Variants in PDGFD observed in about 807,000 individuals in gnomAD.
PDGFD encodes the protein platelet-derived growth factor D.
PDGFD carries 30 observed loss-of-function variants against 44.7 expected under a neutral mutation model. The observed-to-expected ratio is 0.67, with a 90% CI of 0.50 to 0.91. The LOEUF (loss-of-function observed/expected upper bound fraction) is 0.91. Ranked by LOEUF, PDGFD falls within the 40% of genes least tolerant of loss-of-function variation. The pLI is 0.00. For missense variants in PDGFD, 445 were observed against 457.8 expected, an observed-to-expected ratio of 0.97 and a Z score of 0.25; for synonymous variants, 173 against 168.4, an observed-to-expected ratio of 1.03 and a Z score of -0.21.
At chr11:104,124,191 A>G (rs1861813038) in intron 1 of PDGFD, among the ~76,000 whole-genome samples, 1 of 152,050 alleles carries the variant, frequency 6.6e-6, no homozygotes. Flanking sequence ...GAAAGGTCCT[A>G]AACAGAATTC....
chr11:103,934,054 T>C (rs185278493), intron 5 of PDGFD, among the ~76,000 whole-genome samples: 212 of 152,362 alleles, frequency 1.4e-3, no homozygotes, highest in Non-Finnish European at 3.2e-4. Flanking sequence ...TATGAATCCC[T>C]GAGCTTTAAA....
intron 1 of PDGFD, among the ~76,000 whole-genome samples, chr11:104,104,198 G>A (rs1861438993): frequency 1.3e-5 from 2 of 152,148 alleles, no homozygotes; most frequent in South Asian, 4.1e-4. Context: ...TCTGTATAAT[G>A]TGTTTGTGTT....
At chr11:103,940,983 A>T (rs1176627380) in intron 5 of PDGFD, among the ~76,000 whole-genome samples, 1 of 152,142 alleles carries the variant, frequency 6.6e-6, no homozygotes, top group Non-Finnish European at 1.5e-5. Context: ...AACTTTAGAA[A>T]TAGGCTAACA....
At chr11:103,982,545 T>C (rs765809338) in intron 3 of PDGFD, among the ~76,000 whole-genome samples, 4 of 151,672 alleles carry the variant, frequency 2.6e-5, no homozygotes, top group Non-Finnish European at 5.9e-5. Flanking sequence ...CGATTCAATA[T>C]AGTATTGAAA....
At chr11:104,035,754 GC>G (rs1227662254) in intron 1 of PDGFD, among the ~76,000 whole-genome samples, 1 of 151,844 alleles carries the variant, frequency 6.6e-6, no homozygotes, top group Non-Finnish European at 1.5e-5. Context: ...AGAAATAACA[GC>G]CCTTGCCATA....
At chr11:104,048,083 G>A (rs1170933248) in intron 1 of PDGFD, among the ~76,000 whole-genome samples, 2 of 151,976 alleles carry the variant, frequency 1.3e-5, no homozygotes, top group African/African-American at 4.8e-5. Flanking sequence ...TCTCATCAAT[G>A]ACAAGCTTTA....
intron 1 of PDGFD, among the ~76,000 whole-genome samples, chr11:104,112,696 A>G (rs537117752): frequency 6.6e-6 from 1 of 152,314 alleles, no homozygotes; most frequent in Admixed American, 6.5e-5. Context: ...CAGCCATAAA[A>G]AAGAATGAGA....
At chr11:104,131,276 T>C (rs1259840182) in intron 1 of PDGFD, among the ~76,000 whole-genome samples, 1 of 152,170 alleles carries the variant, frequency 6.6e-6, no homozygotes, top group Non-Finnish European at 1.5e-5. Context: ...GTAATACTAA[T>C]AGTGCATGTA....
chr11:103,993,650 AGTAC>A (rs1050771919), intron 3 of PDGFD, among the ~76,000 whole-genome samples: 1 of 152,126 alleles, frequency 6.6e-6, no homozygotes, highest in African/African-American at 2.4e-5. Flanking sequence ...TGATCTTCCC[AGTAC>A]AGTGGTCAAA....
At chr11:104,052,442 A>C (rs1006854339) in intron 1 of PDGFD, among the ~76,000 whole-genome samples, 2 of 152,152 alleles carry the variant, frequency 1.3e-5, no homozygotes, top group Non-Finnish European at 1.5e-5. Context: ...CCTTTTCTTT[A>C]CTTTTAAGTG....
chr11:104,054,919 T>G (rs1267123934), intron 1 of PDGFD, among the ~76,000 whole-genome samples: 1 of 152,196 alleles, frequency 6.6e-6, no homozygotes, highest in Non-Finnish European at 1.5e-5. Flanking sequence ...AGCAATTACC[T>G]TAACCTTTCC....
chr11:104,089,500 C>T (rs1861180308), intron 1 of PDGFD, among the ~76,000 whole-genome samples: 1 of 151,848 alleles, frequency 6.6e-6, no homozygotes, highest in African/African-American at 2.4e-5. Flanking sequence ...CAAGTTTATA[C>T]ATAGGAAAAA....
chr11:104,038,241 T>C, intron 1 of PDGFD: 1 of 503,114 alleles, frequency 2.0e-6, no homozygotes. Context: ...GGGAAGGCTC[T>C]GGAGGCTCCA....
At position 104,086,685 on chromosome 11, in the gene PDGFD, G is replaced by A. The variant is rs1173709062; in HGVS notation, c.124+77119C>T. ...TAGATAAACGTATCACCCAAACATT[G>A]TCACAATACTTTTTTCCCAGGTCCT... On this transcript the variant is annotated intron_variant, in intron 1 of 6. Coordinates refer to ENST00000393158, the MANE Select transcript of PDGFD (RefSeq NM_025208.5). 2.0e-5 allele frequency among the ~76,000 whole-genome samples: 3 copies of A among 152,160 alleles called. No individual in the cohort carries two copies. The East Asian group carries it at 5.8e-4, about 29-fold the overall frequency.
intron 1 of PDGFD, among the ~76,000 whole-genome samples, chr11:104,092,429 T>C (rs1178769899): frequency 6.6e-6 from 1 of 152,150 alleles, no homozygotes; most frequent in South Asian, 2.1e-4. Context: ...ACCTACTCCC[T>C]CACCCTCTGC....
At chr11:104,088,132 A>G (rs1469537603) in intron 1 of PDGFD, among the ~76,000 whole-genome samples, 1 of 152,254 alleles carries the variant, frequency 6.6e-6, no homozygotes, top group Non-Finnish European at 1.5e-5. Context: ...AAATGACTAT[A>G]GTGAGTTCCT....
intron 1 of PDGFD, among the ~76,000 whole-genome samples, chr11:104,096,432 A>G (rs904640185): frequency 4.2e-4 from 64 of 152,152 alleles, no homozygotes; most frequent in African/African-American, 1.5e-3. Context: ...ATTTTATTCA[A>G]CTCTTGATTT....
In PDGFD at chr11:104,164,000, C is replaced by A; in HGVS notation, c.-73G>T. 1.4e-6 allele frequency: 2 copies of A among 1,436,210 alleles called. No homozygotes were observed. Among genetic ancestry groups the A allele is most frequent in the African/African-American group, 1.4e-5 (1 of 70,526 alleles). The allele number at this position is 1,436,210 out of a possible 1,614,324, so 89.0% of individuals were successfully genotyped here. A position where few individuals can be genotyped will look rare whatever the true frequency, so the allele number is the denominator to read the frequency against. ...TCTGCTCCCGGGACCGACGCCGCGC[C>A]GCCCTGCGCTCTCGCCGCCTGCGCT... On this transcript the variant is annotated 5_prime_UTR_variant, in exon 1 of 7. Coordinates refer to ENST00000393158, the MANE Select transcript of PDGFD (RefSeq NM_025208.5).
chr11:103,990,967 G>T (rs181421457), intron 3 of PDGFD, among the ~76,000 whole-genome samples: 144 of 152,014 alleles, frequency 9.5e-4, no homozygotes, highest in African/African-American at 3.0e-3. Context: ...GTGAAACCCC[G>T]TCTCTACTAA....
Sources: gnomAD v4.1 joint callset for allele counts (sites outside exome capture counted in the v4.1 genomes callset) on GRCh38, gnomAD v4.1.1 for gene constraint, MANE v1.5 for transcripts, NCBI Gene and HGNC (gene_info 2026-07-23, HGNC 2026-07-21) for gene names.